The following ROR1 variants were observed in gnomAD, a reference collection of about 807,000 sequenced individuals.
ROR1 encodes inactive tyrosine-protein kinase transmembrane receptor ROR1.
A neutral mutation model predicts 78.8 loss-of-function variants in ROR1; 19 were observed. That is an observed-to-expected ratio of 0.24 (90% CI 0.17 to 0.35). ROR1 has a LOEUF of 0.35. ROR1 is among the 10% of genes least tolerant of loss of function. The pLI, the probability that ROR1 is intolerant of heterozygous loss-of-function variation, is 1.00. For synonymous variants in ROR1, 386 were observed against 433.6 expected (o/e 0.89, Z 1.36); for missense variants, 917 against 1,177.8 (o/e 0.78, Z 3.24).
chr1:64,154,642 A>AT (rs1479251662), intron 7 of ROR1, among the ~76,000 whole-genome samples: 1 of 152,224 alleles, frequency 6.6e-6, no homozygotes, highest in Non-Finnish European at 1.5e-5. Context: ...ATTGAATATC[A>AT]TTGTAAAAAT....
At chr1:64,066,031 G>A (rs1234000583) in intron 4 of ROR1, among the ~76,000 whole-genome samples, 1 of 152,118 alleles carries the variant, frequency 6.6e-6, no homozygotes, top group East Asian at 1.9e-4. Context: ...GGGATGGGAC[G>A]TGTTCCATAG....
At chr1:63,943,093 TAAAAAAAAA>T (rs56230309) in intron 1 of ROR1, among the ~76,000 whole-genome samples, 2 of 115,028 alleles carry the variant, frequency 1.7e-5, no homozygotes, top group South Asian at 5.9e-4. Flanking sequence ...ACCCTGTCTT[TAAAAAAAAA>T]AAAAAAAAAA....
chr1:63,851,054 A>T (rs1243000028), intron 1 of ROR1, among the ~76,000 whole-genome samples: 1 of 152,178 alleles, frequency 6.6e-6, no homozygotes, highest in Non-Finnish European at 1.5e-5. Flanking sequence ...ATCTAGGCTC[A>T]CTGCAACCTC....
intron 2 of ROR1, among the ~76,000 whole-genome samples, chr1:64,018,260 AGTGCTTTACCATG>A (rs1223950633): frequency 6.6e-6 from 1 of 152,158 alleles, no homozygotes; most frequent in East Asian, 1.9e-4. Flanking sequence ...GATTATACAA[AGTGCTTTACCATG>A]GGGCTCCTCC....
At chr1:64,114,577 G>T (rs1325046041) in intron 4 of ROR1, among the ~76,000 whole-genome samples, 2 of 151,678 alleles carry the variant, frequency 1.3e-5, no homozygotes, top group African/African-American at 4.8e-5. Flanking sequence ...TTTTTTTTCT[G>T]CTCCACAACA....
At chr1:63,846,601 T>G (rs1212304797) in intron 1 of ROR1, among the ~76,000 whole-genome samples, 1 of 152,130 alleles carries the variant, frequency 6.6e-6, no homozygotes, top group East Asian at 1.9e-4. Flanking sequence ...CCACTGAGAT[T>G]AAAAGCATGA....
chr1:63,815,478 C>CTTTTTTTTTT lies in ROR1; in HGVS notation c.91+40975_91+40976insTTTTTTTTTT, dbSNP rs1446331528. On this transcript the variant is annotated intron_variant, in intron 1 of 8. Coordinates refer to ENST00000371079, the MANE Select transcript of ROR1 (RefSeq NM_005012.4). ...TTTTCTTTTTCTTTTCTTTTCTTTT[C>CTTTTTTTTTT]TTTTTCTTTTTTTTTTTTTTTTGAG... is the stretch of plus-strand genomic sequence containing the variant. 6.6e-4 allele frequency among the ~76,000 whole-genome samples: 68 copies of CTTTTTTTTTT among 103,420 alleles called. 2 individuals carry two copies. Among genetic ancestry groups the CTTTTTTTTTT allele is most frequent in the African/African-American group, 2.3e-3 (44 of 19,018 alleles). 67.8% of individuals were successfully genotyped at this position (103,420 alleles called of 152,430 possible).
chr1:64,059,995 G>A (rs1347926150), intron 4 of ROR1, among the ~76,000 whole-genome samples: 1 of 41,292 alleles, frequency 2.4e-5, no homozygotes, highest in African/African-American at 1.2e-4. Context: ...CTTAACAAGC[G>A]TTAGTTTTTT....
rs1252487285 is a variant in ROR1, at chr1:63,840,371, C to A, written c.91+65863C>A. Among the ~76,000 whole-genome samples the A allele has an allele frequency of 2.6e-5, 4 of 151,626 alleles. No homozygotes were observed. The East Asian group carries it at 5.8e-4, about 22-fold the overall frequency. On this transcript the variant is annotated intron_variant, in intron 1 of 8. Coordinates refer to ENST00000371079, the MANE Select transcript of ROR1 (RefSeq NM_005012.4). ...CTCGGCTCACTGCAACCTCTGCCTC[C>A]GGGGTTCGAGTGAGTCTCCTGCCTC... is the stretch of plus-strand genomic sequence containing the variant.
chr1:64,002,500 C>T (rs745679555), intron 1 of ROR1, among the ~76,000 whole-genome samples: 1 of 152,158 alleles, frequency 6.6e-6, no homozygotes, highest in African/African-American at 2.4e-5. Flanking sequence ...ATGAATAAGT[C>T]AATCTCTATA....
At chr1:63,958,188 T>C (rs12089051) in intron 1 of ROR1, among the ~76,000 whole-genome samples, 4,007 of 152,358 alleles carry the variant, frequency 0.026, 177 homozygotes, top group African/African-American at 0.092. Context: ...ATTATGCAAG[T>C]ATGTCTGAAA....
At chr1:63,798,823 C>T (rs1035616473) in intron 1 of ROR1, among the ~76,000 whole-genome samples, 2 of 151,928 alleles carry the variant, frequency 1.3e-5, no homozygotes, top group East Asian at 2.0e-4. Flanking sequence ...AACTGAGACT[C>T]AGAAACGTTA....
intron 1 of ROR1, chr1:63,775,520 C>A (rs1176167034): frequency 6.6e-6 from 1 of 152,160 alleles, no homozygotes; most frequent in East Asian, 1.9e-4. Flanking sequence ...TCCCCCACTC[C>A]CAGCCCTAAA....
Position 64,178,151 on chromosome 1 carries a change from A to G in ROR1, c.2110A>G (p.Met704Val), listed in dbSNP as rs1324911869. ...YGFSNQEVIE[M>V]VRKRQLLPCS... ...ATTCAGTAACCAGGAAGTGATTGAG[A>G]TGGTGAGAAAACGGCAGCTCTTACC... is the stretch of plus-strand genomic sequence containing the variant. Residue 704 changes from methionine (M) to valine (V), a missense_variant, in exon 9 of 9, where the codon ATG becomes GTG. Met to Val is a conservative substitution (Grantham distance 21). Transcript: ENST00000371079. The surrounding 1 kb of genome is among the most constrained non-coding windows in gnomAD (Gnocchi z 4.3). 5.6e-6 allele frequency: 9 copies of G among 1,614,150 alleles called. No individual in the cohort carries two copies. Among genetic ancestry groups the G allele is most frequent in the Admixed American group, 3.3e-5 (2 of 60,012 alleles).
At chr1:63,805,662 A>C (rs1198530421) in intron 1 of ROR1, among the ~76,000 whole-genome samples, 2 of 152,126 alleles carry the variant, frequency 1.3e-5, no homozygotes, top group East Asian at 3.9e-4. Context: ...ATAAGAATAG[A>C]ATTACTGTGG....
At chr1:63,998,837 G>A (rs1646360244) in intron 1 of ROR1, among the ~76,000 whole-genome samples, 1 of 152,182 alleles carries the variant, frequency 6.6e-6, no homozygotes, top group African/African-American at 2.4e-5. Context: ...TAATTTCCAT[G>A]TGTTGAGGGA....
At chr1:63,869,117 A>G (rs1645235313) in intron 1 of ROR1, among the ~76,000 whole-genome samples, 1 of 152,164 alleles carries the variant, frequency 6.6e-6, no homozygotes, top group Non-Finnish European at 1.5e-5. Context: ...ATTCCTTGTT[A>G]GGATCAAATG....
intron 1 of ROR1, among the ~76,000 whole-genome samples, chr1:63,982,597 G>T (rs1445978209): frequency 2.0e-5 from 3 of 152,138 alleles, no homozygotes; most frequent in Non-Finnish European, 4.4e-5. Context: ...AGCTCAAGTG[G>T]TCTTTAAATA....
rs201981496 is a variant in ROR1 at position 63,784,035 on chromosome 1, G to GT, written c.91+9537dup. Among the ~76,000 whole-genome samples, 218 of 149,246 alleles carry GT rather than the reference G, an allele frequency of 1.5e-3. 1 individual carries two copies. The highest frequency in any genetic ancestry group is 3.8e-3 in the South Asian group (18 of 4,684). ...CATTATTATGCCAAACTGCATTGCA[G>GT]TTTTTTTTTTCAACTCTGTCTGATG... On this transcript the variant is annotated intron_variant, in intron 1 of 8. Transcript: ENST00000371079.
Sources: allele counts gnomAD v4.1 joint callset (sites outside exome capture counted in the v4.1 genomes callset), GRCh38; gene constraint gnomAD v4.1.1; non-coding constraint Gnocchi (gnomAD v3.1); transcripts MANE v1.5; gene names NCBI Gene and HGNC (gene_info 2026-07-23, HGNC 2026-07-21).